TMEM135: variants seen among roughly 807,000 people sequenced by gnomAD.
TMEM135 encodes the protein transmembrane protein 135.
TMEM135 carries 30 observed loss-of-function variants against 60.3 expected under a neutral mutation model. The observed-to-expected ratio is 0.50, with a 90% CI of 0.37 to 0.68. The LOEUF (loss-of-function observed/expected upper bound fraction) is 0.68. Ranked by LOEUF, TMEM135 falls within the 30% of genes least tolerant of loss-of-function variation. The pLI, the probability that TMEM135 is intolerant of heterozygous loss-of-function variation, is 0.00. For missense variants in TMEM135, 468 were observed against 548.8 expected, an observed-to-expected ratio of 0.85 and a Z score of 1.47; for synonymous variants, 190 against 186.7, an observed-to-expected ratio of 1.02 and a Z score of -0.14.
intron 6 of TMEM135, among the ~76,000 whole-genome samples, chr11:87,245,163 GA>G (rs1233549521): frequency 2.7e-5 from 4 of 149,598 alleles, no homozygotes; most frequent in Non-Finnish European, 4.4e-5. Flanking sequence ...GAGCGGTTTT[GA>G]GTGAGTTTCT....
chr11:87,081,966 G>T (rs1252528942), intron 3 of TMEM135, among the ~76,000 whole-genome samples: 2 of 152,102 alleles, frequency 1.3e-5, no homozygotes, highest in Non-Finnish European at 2.9e-5. Flanking sequence ...TGTATGTGTT[G>T]ATTTAGTTCT....
chr11:87,203,370 C>A lies in TMEM135; in HGVS notation c.463-33268C>A, dbSNP rs1383057035. 3.9e-5 allele frequency among the ~76,000 whole-genome samples: 6 copies of A among 152,224 alleles called. No individual in the cohort carries two copies. The East Asian group carries it at 1.2e-3, about 29-fold the overall frequency. Reference sequence around the variant, plus strand: ...TGTGCTCCCTCTATTCATCCTTTAACCCCCTGAAACCCTTGACAATCAGTA... The same window carrying A: ...TGTGCTCCCTCTATTCATCCTTTAAACCCCTGAAACCCTTGACAATCAGTA... On this transcript the variant is annotated intron_variant, in intron 5 of 14. Coordinates refer to ENST00000305494, the MANE Select transcript of TMEM135 (RefSeq NM_022918.4).
rs1309905742 is a variant in TMEM135, at chr11:87,321,870, T to C, written c.*537T>C. 2.2e-6 allele frequency: 1 copy of C among 454,426 alleles called. No individual in the cohort carries two copies. The highest frequency in any genetic ancestry group is 7.0e-5 in the East Asian group (1 of 14,384). The allele number at this position is 454,426 out of a possible 1,614,324, so 28.1% of individuals were successfully genotyped here. On this transcript the variant is annotated 3_prime_UTR_variant, in exon 15 of 15. Coordinates refer to ENST00000305494, the MANE Select transcript of TMEM135 (RefSeq NM_022918.4). Reference sequence around the variant, plus strand: ...GCTGCTTTCGTGTAGAGCAATTTAATTGGAGAAGTGGCCATTCTTACTTCA... The same window carrying C: ...GCTGCTTTCGTGTAGAGCAATTTAACTGGAGAAGTGGCCATTCTTACTTCA...
At chr11:87,303,621 T>A (rs1357888543) in intron 8 of TMEM135, among the ~76,000 whole-genome samples, 1 of 152,242 alleles carries the variant, frequency 6.6e-6, no homozygotes, top group Non-Finnish European at 1.5e-5. Flanking sequence ...TGAACTTGCC[T>A]GACATAAAAT....
intron 5 of TMEM135, among the ~76,000 whole-genome samples, chr11:87,169,801 G>A (rs545946730): frequency 6.6e-6 from 1 of 152,234 alleles, no homozygotes; most frequent in Admixed American, 6.5e-5. Context: ...TTCTCGAGGA[G>A]TATCTTTGTG....
Position 87,306,006 on chromosome 11 carries a change from G to C in TMEM135, c.768+1G>C. On this transcript the variant is annotated splice_donor_variant, in intron 9 of 14. Transcript: ENST00000305494. LOFTEE classifies it high-confidence loss of function. Reference sequence around the variant, plus strand: ...TAATTGCATCTCTTATTGCATTAAAGTAAGTATATGAAAGTATGTACTTTA... The same window carrying C: ...TAATTGCATCTCTTATTGCATTAAACTAAGTATATGAAAGTATGTACTTTA... 1.3e-6 allele frequency: 2 copies of C among 1,578,802 alleles called. No individual in the cohort carries two copies. The highest frequency in any genetic ancestry group is 1.7e-6 in the Non-Finnish European group (2 of 1,154,714).
At chr11:87,171,756 G>A (rs1469603372) in intron 5 of TMEM135, among the ~76,000 whole-genome samples, 1 of 152,130 alleles carries the variant, frequency 6.6e-6, no homozygotes, top group Admixed American at 6.5e-5. Flanking sequence ...TGGCACGAGG[G>A]ACCGGCTTCG....
chr11:87,190,859 A>G (rs1251182158), intron 5 of TMEM135, among the ~76,000 whole-genome samples: 1 of 152,200 alleles, frequency 6.6e-6, no homozygotes, highest in Non-Finnish European at 1.5e-5. Flanking sequence ...CACAGACAAT[A>G]TACTATTTTA....
chr11:87,093,152 C>G (rs1857248083), intron 4 of TMEM135, among the ~76,000 whole-genome samples: 1 of 152,110 alleles, frequency 6.6e-6, no homozygotes, highest in East Asian at 1.9e-4. Flanking sequence ...TCTCTTTGTG[C>G]TGAATTCTGG....
chr11:87,129,213 ATTTTTTTTTTTTTTTTTTTTTTTTTTT>A (rs71040295), intron 4 of TMEM135, among the ~76,000 whole-genome samples: 9 of 116,274 alleles, frequency 7.7e-5, no homozygotes, highest in South Asian at 5.6e-4. Flanking sequence ...TTATTCCTTA[ATTTTTTTTTTTTTTTTTTTTTTTTTTT>A]TTTTTTTTTT....
rs114174232 is a variant in TMEM135 at position 87,291,840 on chromosome 11, G to T, written c.510-3942G>T. On this transcript the variant is annotated intron_variant, in intron 6 of 14. Coordinates refer to ENST00000305494, the MANE Select transcript of TMEM135 (RefSeq NM_022918.4). ...TTACAGGCGTGAGCCACCGTCCCCGGCCTCAAGTGATTCTTTTAAAATTTA... is the reference window on the plus strand; with the variant it reads ...TTACAGGCGTGAGCCACCGTCCCCGTCCTCAAGTGATTCTTTTAAAATTTA... Among the ~76,000 whole-genome samples, 278 of 152,138 alleles carry T rather than the reference G, an allele frequency of 1.8e-3. 1 individual carries two copies. Among genetic ancestry groups the T allele is most frequent in the African/African-American group, 6.3e-3 (263 of 41,524 alleles).
At position 87,287,617 on chromosome 11, in the gene TMEM135, C is replaced by T. The variant is rs189947278; in HGVS notation, c.510-8165C>T. On this transcript the variant is annotated intron_variant, in intron 6 of 14. Transcript: ENST00000305494. ...GCTTGAACCCAGGAGGCGGAGATTG[C>T]AGTGAGCTGAGATCACACCACTGCA... Among the ~76,000 whole-genome samples the T allele has an allele frequency of 5.0e-3, 764 of 152,286 alleles. 17 individuals carry two copies. The highest frequency in any genetic ancestry group is 6.8e-3 in the Middle Eastern group (2 of 294).
intron 1 of TMEM135, among the ~76,000 whole-genome samples, chr11:87,042,783 T>G (rs1054089437): frequency 2.6e-5 from 4 of 151,412 alleles, no homozygotes; most frequent in African/African-American, 9.8e-5. Flanking sequence ...TTTGCCCTCA[T>G]GCTTCTTTTA....
chr11:87,081,755 A>T (rs1397728496), intron 3 of TMEM135, among the ~76,000 whole-genome samples: 2 of 149,938 alleles, frequency 1.3e-5, no homozygotes, highest in African/African-American at 2.5e-5. Context: ...TTTCATTCTT[A>T]GACATTGGTT....
chr11:87,198,891 C>G (rs1464782338), intron 5 of TMEM135, among the ~76,000 whole-genome samples: 2 of 151,974 alleles, frequency 1.3e-5, no homozygotes, highest in Admixed American at 1.3e-4. Flanking sequence ...TCTTCTATGT[C>G]TTTTTTTATT....
At chr11:87,096,232 C>T in intron 4 of TMEM135, 1 of 287,448 alleles carries the variant, frequency 3.5e-6, no homozygotes. Context: ...TTGATGTCTG[C>T]AGATACACAG....
At chr11:87,289,660 T>G (rs1942231672) in intron 6 of TMEM135, among the ~76,000 whole-genome samples, 1 of 152,046 alleles carries the variant, frequency 6.6e-6, no homozygotes, top group South Asian at 2.1e-4. Context: ...TTCACCATGT[T>G]GGCCAGGCTG....
At chr11:87,162,011 T>A (rs991508552) in intron 5 of TMEM135, among the ~76,000 whole-genome samples, 1 of 152,150 alleles carries the variant, frequency 6.6e-6, no homozygotes, top group Non-Finnish European at 1.5e-5. Context: ...ATAGCTCATG[T>A]TCTAATTATG....
intron 4 of TMEM135, among the ~76,000 whole-genome samples, chr11:87,128,968 T>G (rs1349697594): frequency 6.6e-6 from 1 of 151,878 alleles, no homozygotes. Context: ...CAAATGCCCT[T>G]GCTGTTCCCT....
Sources: gnomAD v4.1 joint callset for allele counts (sites outside exome capture counted in the v4.1 genomes callset) on GRCh38, gnomAD v4.1.1 for gene constraint, MANE v1.5 for transcripts, NCBI Gene and HGNC (gene_info 2026-07-23, HGNC 2026-07-21) for gene names.